KALRN: variants seen among roughly 807,000 people sequenced by gnomAD.
KALRN encodes kalirin.
A neutral mutation model predicts 353.7 loss-of-function variants in KALRN; 70 were observed. The ratio of observed to expected loss-of-function variants is 0.20; its 90% CI spans 0.16 to 0.24. The LOEUF (loss-of-function observed/expected upper bound fraction) is 0.24, where lower values mean the gene tolerates loss of function less well. Ranked by LOEUF, KALRN falls within the 10% of genes least tolerant of loss-of-function variation. KALRN has a pLI of 1.00. For synonymous variants in KALRN, 1,391 were observed against 1,434.8 expected (o/e 0.97, Z 0.69); for missense variants, 2,791 against 3,756.7 (o/e 0.74, Z 6.72).
chr3:124,298,750 A>G (rs1173270638), intron 5 of KALRN, 41 bp from the exon 6 acceptor site: 1 of 1,613,246 alleles, frequency 6.2e-7, no homozygotes, highest in Non-Finnish European at 8.5e-7. Flanking sequence ...TATTCGACCC[A>G]TGACCATTCT....
chr3:124,280,499 C>T (rs190979539), intron 5 of KALRN, among the ~76,000 whole-genome samples: 69 of 152,288 alleles, frequency 4.5e-4, no homozygotes, highest in African/African-American at 1.4e-3. Context: ...AGCCTATTTT[C>T]GTTTGACGTG....
intron 5 of KALRN, among the ~76,000 whole-genome samples, chr3:124,270,811 A>AT (rs2074054181): frequency 2.9e-5 from 3 of 103,558 alleles, no homozygotes; most frequent in South Asian, 3.3e-4. Flanking sequence ...TTCTTTGTTT[A>AT]TTTTTTTGTT....
intron 1 of KALRN, among the ~76,000 whole-genome samples, chr3:124,146,420 T>G (rs2067329650): frequency 6.6e-6 from 1 of 152,194 alleles, no homozygotes; most frequent in South Asian, 2.1e-4. Context: ...TTTACTAAAG[T>G]ACTAGTCTAT....
intron 1 of KALRN, among the ~76,000 whole-genome samples, chr3:124,182,335 G>A (rs1234270016): frequency 1.3e-5 from 2 of 152,210 alleles, no homozygotes; most frequent in Non-Finnish European, 2.9e-5. Flanking sequence ...ATCGTCCAGG[G>A]TTGGAGTCTT....
Position 124,033,823 on chromosome 3 carries a change from G to A in KALRN, c.73+10G>A, listed in dbSNP as rs554790427. 3.9e-5 allele frequency among the ~76,000 whole-genome samples: 6 copies of A among 152,322 alleles called. No individual in the cohort carries two copies. Among genetic ancestry groups the A allele is most frequent in the East Asian group, 3.9e-4 (2 of 5,168 alleles). On this transcript the variant is annotated intron_variant, in intron 1 of 59. Transcript: ENST00000682506. The surrounding 1 kb of genome is among the most constrained non-coding windows in gnomAD (Gnocchi z 6.2). Reference sequence around the variant, plus strand: ...GCCTTTTTCCGGACAGGTAAGCCGGGCAGGGCGCGGGGGGCCAGGGCTGAA... The same window carrying A: ...GCCTTTTTCCGGACAGGTAAGCCGGACAGGGCGCGGGGGGCCAGGGCTGAA...
chr3:124,036,324 T>G (rs1157369242), intron 1 of KALRN, among the ~76,000 whole-genome samples: 1 of 152,204 alleles, frequency 6.6e-6, no homozygotes, highest in Non-Finnish European at 1.5e-5. Context: ...GTATTTGGTT[T>G]TTTGTTCCTG....
intron 14 of KALRN, among the ~76,000 whole-genome samples, chr3:124,415,040 A>G (rs895736658): frequency 1.3e-5 from 2 of 152,242 alleles, no homozygotes; most frequent in African/African-American, 2.4e-5. Context: ...CACTTTTGTC[A>G]GCATAGTCTG....
chr3:124,563,234 G>A (rs536074938), intron 34 of KALRN, 145 bp downstream of exon 34: 46 of 865,812 alleles, frequency 5.3e-5, no homozygotes, highest in Non-Finnish European at 6.6e-5. Context: ...ACTGTGAAGA[G>A]AATGGGTTGG....
At chr3:124,264,056 ATT>A (rs5852399) in intron 3 of KALRN, among the ~76,000 whole-genome samples, 120 of 143,252 alleles carry the variant, frequency 8.4e-4, no homozygotes, top group Non-Finnish European at 9.8e-4. Context: ...TGGACTTTGG[ATT>A]TTTTTTTTTT....
chr3:124,238,141 G>A (rs941254940), intron 3 of KALRN, among the ~76,000 whole-genome samples: 2 of 152,136 alleles, frequency 1.3e-5, no homozygotes, highest in Admixed American at 1.3e-4. Flanking sequence ...ATCAGTTAGA[G>A]TGCTGTCAAG....
chr3:124,320,797 TAGACAA>T (rs2079254928), intron 6 of KALRN, among the ~76,000 whole-genome samples: 2 of 152,200 alleles, frequency 1.3e-5, no homozygotes, highest in Admixed American at 1.3e-4. Flanking sequence ...GAAAAACTTA[TAGACAA>T]TTCTGGGCTC....
intron 1 of KALRN, among the ~76,000 whole-genome samples, chr3:124,059,266 G>GA (rs1334107744): frequency 1.3e-5 from 2 of 152,032 alleles, no homozygotes; most frequent in Non-Finnish European, 2.9e-5. Flanking sequence ...GCATATAAAT[G>GA]AAAAGTATTT....
chr3:124,605,887 A>G (rs2077294836), intron 34 of KALRN, among the ~76,000 whole-genome samples: 1 of 152,154 alleles, frequency 6.6e-6, no homozygotes, highest in African/African-American at 2.4e-5. Context: ...CACCCCTTCC[A>G]TTACACGAGT....
rs71145464 is a variant in KALRN, at chr3:124,618,086, C to CTTTTTTTT, written c.5183-14301_5183-14294dup. Among the ~76,000 whole-genome samples the CTTTTTTTT allele has an allele frequency of 4.3e-4, 27 of 63,352 alleles. 3 individuals carry two copies. Among genetic ancestry groups the CTTTTTTTT allele is most frequent in the Non-Finnish European group, 6.4e-4 (23 of 36,066 alleles). 41.6% of individuals were successfully genotyped at this position (63,352 alleles called of 152,430 possible). On this transcript the variant is annotated intron_variant, in intron 34 of 59. Transcript: ENST00000682506. ...GGAAAGAAAATACCAGTGCAGAAAT[C>CTTTTTTTT]TTTTTTTTTTTTTTTTTTTTTTTTT...
chr3:124,187,680 A>G (rs2074394958), intron 1 of KALRN, among the ~76,000 whole-genome samples: 1 of 152,190 alleles, frequency 6.6e-6, no homozygotes, highest in Non-Finnish European at 1.5e-5. Flanking sequence ...TGGATAGATG[A>G]ACTATAAATG....
In KALRN at chr3:124,056,682, CA is replaced by C. The variant is rs566273355; in HGVS notation, c.73+22871del. 5.6e-3 allele frequency among the ~76,000 whole-genome samples: 846 copies of C among 152,336 alleles called. 6 individuals are homozygous for C. Among genetic ancestry groups the C allele is most frequent in the Middle Eastern group, 0.01 (3 of 294 alleles). The stretch of plus-strand genomic sequence containing the variant: ...CAGACATGACACACAAAACGTACAA[CA>C]ACCTGCCACTGGCTGGTATCTGTCC... On this transcript the variant is annotated intron_variant, in intron 1 of 59. Coordinates refer to ENST00000682506, the MANE Select transcript of KALRN (RefSeq NM_001388419.1).
In KALRN at chr3:124,652,189, A is replaced by G. The variant is rs531124776; in HGVS notation, c.5795+1251A>G. On this transcript the variant is annotated intron_variant, in intron 38 of 59. Coordinates refer to ENST00000682506, the MANE Select transcript of KALRN (RefSeq NM_001388419.1). ...GTCCTTCTGTTACCTAGAAATGTAC[A>G]AAGTGTCTATTTATGAGTTTCTGTT... is the stretch of plus-strand genomic sequence containing the variant. Among the ~76,000 whole-genome samples the G allele has an allele frequency of 7.2e-5, 11 of 152,336 alleles. No individual in the cohort carries two copies. In the South Asian group the frequency reaches 1.7e-3, roughly 23 times the overall value.
chr3:124,633,518 G>A (rs114832861), intron 35 of KALRN, among the ~76,000 whole-genome samples: 10 of 152,294 alleles, frequency 6.6e-5, no homozygotes, highest in Non-Finnish European at 1.3e-4. Flanking sequence ...CGGCATTTGG[G>A]CTATGGTTTC....
At chr3:124,386,337 G>C (rs1576490299) in intron 11 of KALRN, among the ~76,000 whole-genome samples, 1 of 152,130 alleles carries the variant, frequency 6.6e-6, no homozygotes, top group Admixed American at 6.5e-5. Context: ...TTTTAATTAT[G>C]AGCCTGTAGG....
Sources: allele counts gnomAD v4.1 joint callset (sites outside exome capture counted in the v4.1 genomes callset), GRCh38; gene constraint gnomAD v4.1.1; non-coding constraint Gnocchi (gnomAD v3.1); transcripts MANE v1.5; gene names NCBI Gene and HGNC (gene_info 2026-07-23, HGNC 2026-07-21).